The following DGKB variants were observed in gnomAD, a reference collection of about 807,000 sequenced individuals.
The protein encoded by DGKB is 90 kDa diacylglycerol kinase.
In DGKB, 67 loss-of-function variants were observed where a neutral mutation model predicts 114.3. The ratio of observed to expected loss-of-function variants is 0.59; its 90% confidence interval spans 0.48 to 0.72. The LOEUF (loss-of-function observed/expected upper bound fraction) is 0.72. Among genes scored for constraint, DGKB ranks in the 30% least tolerant of loss-of-function variants. The probability of loss-of-function intolerance (pLI) is 0.00; values close to 1 mark genes in which losing one functional copy is unlikely to be tolerated. For synonymous variants in DGKB, 398 were observed against 323.1 expected, an observed-to-expected ratio of 1.23 and a Z score of -2.49; for missense variants, 907 against 975.2, an observed-to-expected ratio of 0.93 and a Z score of 0.93.
At chr7:14,273,044 A>T (rs116374500) in intron 23 of DGKB, among the ~76,000 whole-genome samples, 1 of 152,168 alleles carries the variant, frequency 6.6e-6, no homozygotes, top group East Asian at 1.9e-4. Context: ...TTCTGAATTC[A>T]TTAGAAAGAT....
intron 1 of DGKB, among the ~76,000 whole-genome samples, chr7:14,911,896 A>G (rs1313803749): frequency 1.3e-5 from 2 of 152,202 alleles, no homozygotes; most frequent in Admixed American, 6.5e-5. Flanking sequence ...TTAGAATATT[A>G]TATGTCAATA....
At chr7:14,614,535 A>G (rs1240810944) in intron 15 of DGKB, among the ~76,000 whole-genome samples, 1 of 152,032 alleles carries the variant, frequency 6.6e-6, no homozygotes, top group Non-Finnish European at 1.5e-5. Context: ...AGTAGTCTTA[A>G]ATGTTTAATG....
chr7:14,751,935 C>T (rs912182990), intron 4 of DGKB, among the ~76,000 whole-genome samples: 2 of 152,178 alleles, frequency 1.3e-5, no homozygotes, highest in East Asian at 3.9e-4. Flanking sequence ...GCCACTGTCT[C>T]TAAACATTAG....
intron 20 of DGKB, among the ~76,000 whole-genome samples, chr7:14,571,294 A>G (rs996711201): frequency 1.3e-5 from 2 of 152,266 alleles, no homozygotes; most frequent in Non-Finnish European, 2.9e-5. Flanking sequence ...TAAGCTAAGA[A>G]AACAAGTAGA....
chr7:14,494,146 T>C (rs1208370100), intron 20 of DGKB, among the ~76,000 whole-genome samples: 2 of 152,032 alleles, frequency 1.3e-5, no homozygotes, highest in Non-Finnish European at 2.9e-5. Flanking sequence ...GCATATTAAA[T>C]TCTTTTAAAG....
chr7:14,517,202 A>G (rs995485094), intron 20 of DGKB, among the ~76,000 whole-genome samples: 9 of 152,094 alleles, frequency 5.9e-5, no homozygotes, highest in Non-Finnish European at 1.3e-4. Flanking sequence ...AACAAGCGAT[A>G]GGGAAAGAAT....
chr7:14,381,552 C>G (rs1033981587), intron 21 of DGKB, among the ~76,000 whole-genome samples: 2 of 152,242 alleles, frequency 1.3e-5, no homozygotes, highest in African/African-American at 4.8e-5. Context: ...GAAAAGCATT[C>G]CTGTGAAATC....
chr7:14,408,063 C>A (rs1824234090), intron 21 of DGKB, among the ~76,000 whole-genome samples: 2 of 152,114 alleles, frequency 1.3e-5, no homozygotes, highest in South Asian at 4.1e-4. Context: ...AACTGTGGAA[C>A]ACACACTGTA....
intron 20 of DGKB, among the ~76,000 whole-genome samples, chr7:14,538,258 C>A (rs1404446374): frequency 6.6e-6 from 1 of 151,818 alleles, no homozygotes; most frequent in African/African-American, 2.4e-5. Context: ...ACTCCTACAC[C>A]TCAATAGCAA....
intron 23 of DGKB, among the ~76,000 whole-genome samples, chr7:14,223,783 T>C (rs1199747813): frequency 6.6e-6 from 1 of 151,780 alleles, no homozygotes; most frequent in African/African-American, 2.4e-5. Flanking sequence ...AATTCATGGT[T>C]GATTTTTTTT....
intron 13 of DGKB, among the ~76,000 whole-genome samples, chr7:14,637,533 T>C (rs931945157): frequency 3.3e-5 from 5 of 151,428 alleles, no homozygotes; most frequent in Non-Finnish European, 7.4e-5. Flanking sequence ...TATATATGTG[T>C]GTATATATAT....
At chr7:14,903,671 G>A (rs7788606), upstream of DGKB, among the ~76,000 whole-genome samples, 16,502 of 152,202 alleles carry the variant, frequency 0.11, 1,311 homozygotes, top group African/African-American at 0.22. Context: ...GATGGATGAA[G>A]TAGAAAGGCA....
intron 23 of DGKB, among the ~76,000 whole-genome samples, chr7:14,323,356 T>A (rs1302705798): frequency 6.6e-6 from 1 of 152,158 alleles, no homozygotes; most frequent in Non-Finnish European, 1.5e-5. Context: ...CATAGGTGTA[T>A]TGACTATCAA....
At chr7:14,281,628 T>A (rs1470236780) in intron 23 of DGKB, among the ~76,000 whole-genome samples, 2,818 of 146,450 alleles carry the variant, frequency 0.019, 71 homozygotes, top group African/African-American at 0.07. Context: ...TCTCCTCAGC[T>A]AATGTAAAAG....
intron 12 of DGKB, among the ~76,000 whole-genome samples, chr7:14,681,384 T>C (rs1418464826): frequency 1.3e-5 from 2 of 151,958 alleles, no homozygotes; most frequent in Non-Finnish European, 2.9e-5. Flanking sequence ...TTTTGAAAAG[T>C]AAGTCAGTTG....
chr7:14,841,199 G>T lies in DGKB; in HGVS notation c.65C>A (p.Ala22Asp), dbSNP rs1360495727. 1 of 1,611,364 alleles carries T rather than the reference G, an allele frequency of 6.2e-7. No individual in the cohort carries two copies. Among genetic ancestry groups the T allele is most frequent in the Non-Finnish European group, 8.5e-7 (1 of 1,178,364 alleles). ...PSEFSQLQKY[A>D]EYSTKKLKDV... ...ATATCAATATGAATACTTACACTCAGCATATTTCTGAAGTTGGGAAAATTC... is the reference window on the plus strand; with the variant it reads ...ATATCAATATGAATACTTACACTCATCATATTTCTGAAGTTGGGAAAATTC... Residue 22 changes from alanine to aspartate, a missense_variant, in exon 2 of 26, where the codon GCT becomes GAT. Coordinates refer to ENST00000402815, the MANE Select transcript of DGKB (RefSeq NM_001350709.2).
At chr7:14,748,053 T>A (rs1165618882) in intron 4 of DGKB, among the ~76,000 whole-genome samples, 2 of 152,216 alleles carry the variant, frequency 1.3e-5, no homozygotes, top group South Asian at 2.1e-4. Flanking sequence ...CCATGCAGAT[T>A]CAAAGTGAAT....
chr7:14,784,155 T>C (rs188238837), intron 2 of DGKB, among the ~76,000 whole-genome samples: 1 of 152,104 alleles, frequency 6.6e-6, no homozygotes, highest in South Asian at 2.1e-4. Context: ...ATTGCCTTTT[T>C]TTTTACTACA....
chr7:14,489,493 A>G (rs1364288619), intron 20 of DGKB, among the ~76,000 whole-genome samples: 2 of 152,214 alleles, frequency 1.3e-5, no homozygotes, highest in African/African-American at 4.8e-5. Flanking sequence ...TTGATTGGTC[A>G]TTACAGTATT....
Sources: gnomAD v4.1 joint callset for allele counts (sites outside exome capture counted in the v4.1 genomes callset) on GRCh38, gnomAD v4.1.1 for gene constraint, MANE v1.5 for transcripts, NCBI Gene and HGNC (gene_info 2026-07-23, HGNC 2026-07-21) for gene names.